The following FNIP2 variants were observed in gnomAD, a reference collection of about 807,000 sequenced individuals.
FNIP2 encodes the protein folliculin-interacting protein 2.
Under a neutral mutation model 108.7 loss-of-function variants are expected in FNIP2, and 32 were observed. That is an observed-to-expected ratio of 0.29 (90% confidence interval 0.22 to 0.40). The LOEUF (loss-of-function observed/expected upper bound fraction) is 0.40. Among genes scored for constraint, FNIP2 ranks in the 10% least tolerant of loss-of-function variants. The pLI, the probability that FNIP2 is intolerant of heterozygous loss-of-function variation, is 1.00. For synonymous variants in FNIP2, 480 were observed against 496.7 expected, an observed-to-expected ratio of 0.97 and a Z score of 0.45; for missense variants, 1,202 against 1,381.6, an observed-to-expected ratio of 0.87 and a Z score of 2.06.
chr4:158,872,325 A>C (rs752195015), intron 14 of FNIP2: 45 of 985,274 alleles, frequency 4.6e-5, no homozygotes, highest in Non-Finnish European at 5.3e-5. Flanking sequence ...TTAGATTTTC[A>C]TGGTGACCCT....
At chr4:158,808,762 G>A (rs1010686990) in intron 1 of FNIP2, 1 of 152,126 alleles carries the variant, frequency 6.6e-6, no homozygotes, top group Non-Finnish European at 1.5e-5. Context: ...TAAATCAGTC[G>A]TTCCAAGTGG....
chr4:158,890,448 C>G, intron 14 of FNIP2: 1 of 734,642 alleles, frequency 1.4e-6, no homozygotes, highest in East Asian at 1.3e-4. Flanking sequence ...TACAAAGCTG[C>G]ACAGGACAGA....
rs887405710 is a variant in FNIP2 at position 158,813,155 on chromosome 4, A to G, written c.108-12761A>G. Among the ~76,000 whole-genome samples, 3 of 152,182 alleles carry G rather than the reference A, an allele frequency of 2.0e-5. No individual in the cohort carries two copies. In the East Asian group the frequency reaches 5.8e-4, roughly 29 times the overall value. On this transcript the variant is annotated intron_variant, in intron 1 of 16. Coordinates refer to ENST00000264433, the MANE Select transcript of FNIP2 (RefSeq NM_020840.3). ...TCTTGGTCGCTTCTATGTTTTGGCA[A>G]TTATGAATAAAGCTCCTATACACAG...
At position 158,825,903 on chromosome 4, in the gene FNIP2, T is replaced by G. The variant is rs1778128697; in HGVS notation, c.108-13T>G. ...CAGATAACATAACTTCTTTTGCCCT[T>G]TTTAATCCACAGTTGGTCATGTTCG... is the stretch of plus-strand genomic sequence containing the variant. On this transcript the variant is annotated splice_polypyrimidine_tract_variant and intron_variant, in intron 1 of 16. Transcript: ENST00000264433. 1 of 1,601,846 alleles carries G rather than the reference T, an allele frequency of 6.2e-7. No homozygotes were observed. Among genetic ancestry groups the G allele is most frequent in the African/African-American group, 1.3e-5 (1 of 74,680 alleles).
Position 158,868,656 on chromosome 4 carries a change from G to A in FNIP2, c.2020G>A (p.Gly674Arg). 1 of 1,614,020 alleles carries A rather than the reference G, an allele frequency of 6.2e-7. No homozygotes were observed. The change falls in exon 13 of 17, where the codon GGA becomes AGA. Residue 674 changes from glycine to arginine, a missense_variant. Transcript: ENST00000264433. This position sits in a 1 kb window ranked among gnomAD's most constrained non-coding sequence, Gnocchi z 4.6. ...RLPSCEVLGA[G>R]MKMDQQAVCE... is the part of the protein sequence containing the mutation. ...TCCCAGCTGTGAAGTTTTGGGGGCAGGAATGAAGATGGACCAGCAAGCTGT... is the reference window on the plus strand; with the variant it reads ...TCCCAGCTGTGAAGTTTTGGGGGCAAGAATGAAGATGGACCAGCAAGCTGT...
At chr4:158,893,587 A>G (rs1782426770) in intron 15 of FNIP2, 2 of 872,866 alleles carry the variant, frequency 2.3e-6, no homozygotes, top group Non-Finnish European at 3.6e-6. Flanking sequence ...CTTGCAAGAC[A>G]TCTGTCCTGG....
At position 158,887,749 on chromosome 4, in the gene FNIP2, A is replaced by AAG. The variant is rs1180885202; in HGVS notation, c.2950-3696_2950-3695insGA. Among the ~76,000 whole-genome samples the AAG allele has an allele frequency of 4.9e-4, 74 of 151,618 alleles. No individual in the cohort carries two copies. The East Asian group carries it at 0.01, about 21-fold the overall frequency. On this transcript the variant is annotated intron_variant, in intron 14 of 16. Coordinates refer to ENST00000264433, the MANE Select transcript of FNIP2 (RefSeq NM_020840.3). ...GAGACTCTGTCTCAAAAAAAAAAAA[A>AAG]AAAAAAAACCCAAGAGGAATGTTAA...
intron 3 of FNIP2, among the ~76,000 whole-genome samples, chr4:158,830,641 G>A (rs1283859314): frequency 1.3e-5 from 2 of 152,230 alleles, no homozygotes; most frequent in Non-Finnish European, 2.9e-5. Context: ...GTATGCTTGT[G>A]TGTCTGTGTG....
In FNIP2 at chr4:158,825,927, C is replaced by A; in HGVS notation, c.119C>A (p.Ser40Ter). The stretch of plus-strand genomic sequence containing the variant: ...TTTTTAATCCACAGTTGGTCATGTT[C>A]GGAGTTTGACCTGAATGAGATTCGC... ...KEGPAFSWSC[S>*]EFDLNEIRLI... is the part of the protein sequence containing the mutation. The change falls in exon 2 of 17, where the codon TCG (serine) becomes TAG (stop). Residue 40 changes from serine (S) to a stop codon, truncating the protein, a stop_gained. Transcript: ENST00000264433. LOFTEE classifies it high-confidence loss of function. 1.2e-6 allele frequency: 2 copies of A among 1,606,622 alleles called. No individual in the cohort carries two copies. Among genetic ancestry groups the A allele is most frequent in the South Asian group, 2.2e-5 (2 of 90,918 alleles).
intron 7 of FNIP2, chr4:158,836,218 G>T (rs764979578): frequency 3.3e-5 from 5 of 152,222 alleles, no homozygotes. Context: ...GCGTTGCTCA[G>T]ACTGGATGCA....
chr4:158,885,610 C>T (rs773499249), intron 14 of FNIP2, among the ~76,000 whole-genome samples: 4 of 152,238 alleles, frequency 2.6e-5, no homozygotes, highest in Non-Finnish European at 5.9e-5. Context: ...GACAGCAGGA[C>T]GAACATTTGA....
At chr4:158,882,387 GC>G (rs1414135417) in intron 14 of FNIP2, among the ~76,000 whole-genome samples, 3 of 149,950 alleles carry the variant, frequency 2.0e-5, no homozygotes, top group Admixed American at 6.6e-5. Context: ...GGTGGGGGGC[GC>G]CTCCGCCCGG....
At chr4:158,781,274 A>G (rs1360567512) in intron 1 of FNIP2, among the ~76,000 whole-genome samples, 1 of 152,188 alleles carries the variant, frequency 6.6e-6, no homozygotes. Flanking sequence ...GGTAGAATTC[A>G]TAGAGGTGAA....
At chr4:158,899,671 G>C (rs553587047) in intron 16 of FNIP2, among the ~76,000 whole-genome samples, 1 of 152,286 alleles carries the variant, frequency 6.6e-6, no homozygotes, top group African/African-American at 2.4e-5. Flanking sequence ...ATGTTAGTTT[G>C]TATTTCTGTG....
intron 1 of FNIP2, among the ~76,000 whole-genome samples, chr4:158,807,136 T>C (rs1381596633): frequency 6.6e-6 from 1 of 152,154 alleles, no homozygotes; most frequent in Admixed American, 6.5e-5. Flanking sequence ...TACATTTCAT[T>C]CCAGATTCTT....
chr4:158,801,952 C>T (rs2126478483), intron 1 of FNIP2, among the ~76,000 whole-genome samples: 1 of 152,288 alleles, frequency 6.6e-6, no homozygotes, highest in Admixed American at 6.5e-5. Context: ...TCTCCAAAGC[C>T]CATTCCCCTA....
In FNIP2 at chr4:158,868,408, A is replaced by G; in HGVS notation, c.1772A>G (p.His591Arg). ...PILPPTAAER[H>R]NPWPTGFPEC... is the part of the protein sequence containing the mutation. ...CTACCACCAACAGCAGCAGAGAGAC[A>G]CAACCCCTGGCCGACAGGGTTTCCT... is the stretch of plus-strand genomic sequence containing the variant. Residue 591 changes from histidine (H) to arginine (R), a missense_variant, in exon 13 of 17, where the codon CAC (histidine) becomes CGC (arginine). Physicochemically the swap from His to Arg is conservative, Grantham distance 29. Coordinates refer to ENST00000264433, the MANE Select transcript of FNIP2 (RefSeq NM_020840.3). The surrounding 1 kb of genome is among the most constrained non-coding windows in gnomAD (Gnocchi z 4.6). The G allele has an allele frequency of 6.2e-7, 1 of 1,614,026 alleles. No homozygotes were observed. The highest frequency in any genetic ancestry group is 2.2e-5 in the East Asian group (1 of 44,886).
intron 12 of FNIP2, among the ~76,000 whole-genome samples, chr4:158,866,273 C>T (rs545149768): frequency 2.2e-5 from 3 of 134,362 alleles, no homozygotes; most frequent in East Asian, 2.1e-4. Flanking sequence ...GGCTGGAGTG[C>T]GGTGGCGTGA....
At chr4:158,828,084 T>C (rs972633210) in intron 2 of FNIP2, among the ~76,000 whole-genome samples, 1 of 152,158 alleles carries the variant, frequency 6.6e-6, no homozygotes, top group Admixed American at 6.5e-5. Flanking sequence ...GAGGTAAATA[T>C]TAATAAAGGT....
Sources: gnomAD v4.1 joint callset for allele counts (sites outside exome capture counted in the v4.1 genomes callset) on GRCh38, gnomAD v4.1.1 for gene constraint, Gnocchi (gnomAD v3.1) non-coding constraint, MANE v1.5 for transcripts, NCBI Gene and HGNC (gene_info 2026-07-23, HGNC 2026-07-21) for gene names.